Variants in ZNF578 observed in about 807,000 individuals in gnomAD.
The protein encoded by ZNF578 is Putative chemokine-related protein B42.
ZNF578 carries 8 observed loss-of-function variants against 8.3 expected under a neutral mutation model. The ratio of observed to expected loss-of-function variants is 0.96; its 90% CI spans 0.56 to 1.74. The LOEUF is 1.74. Among genes scored for constraint, ZNF578 ranks in the 40% most tolerant of loss-of-function variants. The pLI is 0.00. For missense variants in ZNF578, 726 were observed against 707.5 expected, an observed-to-expected ratio of 1.03 and a Z score of -0.30; for synonymous variants, 206 against 232.2, an observed-to-expected ratio of 0.89 and a Z score of 1.03.
chr19:52,455,285 T>C (rs1283731461), intron 1 of ZNF578: 5 of 150,014 alleles, frequency 3.3e-5, no homozygotes, highest in Non-Finnish European at 7.4e-5. Context: ...CCGCAACCTC[T>C]GCCTGCCAGG....
rs1209430550 is a variant in ZNF578, at chr19:52,515,137, G to A, written c.*2983G>A. 6.6e-6 allele frequency among the ~76,000 whole-genome samples: 1 copy of A among 151,524 alleles called. No individual in the cohort carries two copies. Among genetic ancestry groups the A allele is most frequent in the African/African-American group, 2.4e-5 (1 of 41,222 alleles). ...CTCCACCACTCCCGGCTCATTTTTT[G>A]CATTTTTAGTAGAGACAGGGTTTCA... On this transcript the variant is annotated 3_prime_UTR_variant, in exon 6 of 6. Coordinates refer to ENST00000421239, the MANE Select transcript of ZNF578 (RefSeq NM_001099694.2).
intron 4 of ZNF578, among the ~76,000 whole-genome samples, chr19:52,504,171 G>A (rs1599912106): frequency 7.0e-6 from 1 of 142,874 alleles, no homozygotes; most frequent in Admixed American, 7.7e-5. Flanking sequence ...GCTCACTGCG[G>A]CCTCCATCTC....
Position 52,516,032 on chromosome 19 carries a change from C to G in ZNF578, c.*3878C>G, listed in dbSNP as rs650937. Among the ~76,000 whole-genome samples the G allele has an allele frequency of 0.59, 89,765 of 151,586 alleles. 26,900 individuals are homozygous for G. The highest frequency in any genetic ancestry group is 0.69 in the Middle Eastern group (204 of 294). On this transcript the variant is annotated 3_prime_UTR_variant, in exon 6 of 6. Coordinates refer to ENST00000421239, the MANE Select transcript of ZNF578 (RefSeq NM_001099694.2). ...CTGCCAGTGTCCAGCCTCCTCCTGG[C>G]AGCTTGCCCTCATCTCATGACTCCC...
chr19:52,509,872 TC>T (rs1415925265), intron 5 of ZNF578, among the ~76,000 whole-genome samples: 1 of 152,096 alleles, frequency 6.6e-6, no homozygotes, highest in African/African-American at 2.4e-5. Flanking sequence ...ACTTTTTTTT[TC>T]TTTTTTTTCC....
At chr19:52,481,448 A>G (rs2059326081) in intron 2 of ZNF578, among the ~76,000 whole-genome samples, 1 of 152,242 alleles carries the variant, frequency 6.6e-6, no homozygotes, top group Non-Finnish European at 1.5e-5. Flanking sequence ...CACATTGGAT[A>G]AGATTAGTTG....
chr19:52,469,258 T>C (rs2059284825), intron 2 of ZNF578, among the ~76,000 whole-genome samples: 1 of 149,528 alleles, frequency 6.7e-6, no homozygotes, highest in African/African-American at 2.5e-5. Context: ...CCTCTGAGGT[T>C]CAAGCCATCC....
rs1420947156 is a variant in ZNF578, at chr19:52,515,749, G to A, written c.*3595G>A. 6.6e-6 allele frequency among the ~76,000 whole-genome samples: 1 copy of A among 151,146 alleles called. No individual in the cohort carries two copies. ...GGTGTGGCTTTTTTTTTTTTGAGGA[G>A]TGCCCAGTTGTGATTAGAATTTTCA... is the stretch of plus-strand genomic sequence containing the variant. On this transcript the variant is annotated 3_prime_UTR_variant, in exon 6 of 6. Coordinates refer to ENST00000421239, the MANE Select transcript of ZNF578 (RefSeq NM_001099694.2).
chr19:52,509,863 C>CT (rs113220258), intron 5 of ZNF578, among the ~76,000 whole-genome samples: 1 of 151,008 alleles, frequency 6.6e-6, no homozygotes, highest in Admixed American at 6.6e-5. Context: ...ATTGTATTAA[C>CT]TTTTTTTTTC....
chr19:52,462,168 T>C (rs149457960), intron 2 of ZNF578, among the ~76,000 whole-genome samples: 289 of 152,344 alleles, frequency 1.9e-3, no homozygotes, highest in African/African-American at 6.6e-3. Context: ...ACCTCTCTTT[T>C]CTGGTCTTAA....
intron 3 of ZNF578, among the ~76,000 whole-genome samples, chr19:52,491,740 AAAAG>A (rs2059365695): frequency 6.6e-6 from 1 of 152,154 alleles, no homozygotes; most frequent in African/African-American, 2.4e-5. Context: ...AAAAAGTAAA[AAAAG>A]AAAAAGTAAT....
At chr19:52,464,907 T>C (rs1249602013) in intron 2 of ZNF578, among the ~76,000 whole-genome samples, 1 of 152,148 alleles carries the variant, frequency 6.6e-6, no homozygotes, top group Non-Finnish European at 1.5e-5. Flanking sequence ...TTTAAATCTA[T>C]AATAACAAGC....
At chr19:52,485,169 A>G (rs1226693177) in intron 2 of ZNF578, among the ~76,000 whole-genome samples, 3 of 151,992 alleles carry the variant, frequency 2.0e-5, no homozygotes, top group East Asian at 2.0e-4. Context: ...CAACCCTCAC[A>G]CCACCTCTGG....
chr19:52,459,612 T>TACACACACACAC (rs71180468), intron 2 of ZNF578, among the ~76,000 whole-genome samples: 64 of 118,772 alleles, frequency 5.4e-4, no homozygotes, highest in African/African-American at 2.1e-3. Flanking sequence ...AATGTGTATG[T>TACACACACACAC]ACACACACAC....
At chr19:52,489,817 G>C (rs949713277) in intron 2 of ZNF578, among the ~76,000 whole-genome samples, 1 of 151,568 alleles carries the variant, frequency 6.6e-6, no homozygotes, top group Non-Finnish European at 1.5e-5. Context: ...CACCAATCCC[G>C]GCTAATTTTT....
chr19:52,479,209 A>G (rs1038978200), intron 2 of ZNF578, among the ~76,000 whole-genome samples: 3 of 152,104 alleles, frequency 2.0e-5, no homozygotes, highest in Non-Finnish European at 2.9e-5. Context: ...TCAATAAACA[A>G]ATTGTGCCCC....
rs541920781 is a variant in ZNF578, at chr19:52,516,576, C to T, written c.*4422C>T. ...ATGGCCTGAAGCAACTGAAGATCCA[C>T]GAAAGAAGTGAAAATACCCTTAAGT... On this transcript the variant is annotated 3_prime_UTR_variant, in exon 6 of 6. Transcript: ENST00000421239. 4.6e-5 allele frequency among the ~76,000 whole-genome samples: 7 copies of T among 152,170 alleles called. No homozygotes were observed. The highest frequency in any genetic ancestry group is 7.2e-5 in the African/African-American group (3 of 41,452).
intron 3 of ZNF578, among the ~76,000 whole-genome samples, chr19:52,494,824 A>G (rs371154888): frequency 2.0e-5 from 3 of 152,036 alleles, no homozygotes; most frequent in East Asian, 3.9e-4. Flanking sequence ...ATTATGTAAT[A>G]CTTTTAATTA....
rs187109587 is a variant in ZNF578 at position 52,483,478 on chromosome 19, G to A, written c.-121-7846G>A. 2.7e-4 allele frequency among the ~76,000 whole-genome samples: 41 copies of A among 152,250 alleles called. No homozygotes were observed. The East Asian group carries it at 7.3e-3, about 27-fold the overall frequency. ...AGTCCTATTCACGTGTAGTCAACAC[G>A]CATGACCAAATTCTCTCACAGGCAC... is the stretch of plus-strand genomic sequence containing the variant. On this transcript the variant is annotated intron_variant, in intron 2 of 5. Transcript: ENST00000421239.
chr19:52,511,755 A>G lies in ZNF578; in HGVS notation c.1374A>G (p.Glu458=). 1 of 1,612,804 alleles carries G rather than the reference A, an allele frequency of 6.2e-7. No homozygotes were observed. Among genetic ancestry groups the G allele is most frequent in the Non-Finnish European group, 8.5e-7 (1 of 1,179,666 alleles). Residue 458 remains glutamate, a synonymous_variant, in exon 6 of 6, where the codon GAA becomes GAG. Coordinates refer to ENST00000421239, the MANE Select transcript of ZNF578 (RefSeq NM_001099694.2). The part of the protein sequence containing the change: ...LHTGEKSYKC[E]ECDRVFSQKS... ...CTGGAGAGAAATCTTACAAATGTGAAGAATGTGACAGAGTTTTCAGTCAGA... is the reference window on the plus strand; with the variant it reads ...CTGGAGAGAAATCTTACAAATGTGAGGAATGTGACAGAGTTTTCAGTCAGA...
Sources: gnomAD v4.1 joint callset for allele counts (sites outside exome capture counted in the v4.1 genomes callset) on GRCh38, gnomAD v4.1.1 for gene constraint, MANE v1.5 for transcripts, NCBI Gene and HGNC (gene_info 2026-07-23, HGNC 2026-07-21) for gene names.